MMP16: variants seen among roughly 807,000 people sequenced by gnomAD.
MMP16 encodes matrix metalloproteinase-16.
In MMP16, 12 loss-of-function variants were observed where a neutral mutation model predicts 67.8. The observed-to-expected ratio is 0.18, with a 90% CI of 0.11 to 0.29. MMP16 has a LOEUF of 0.29. Ranked by LOEUF, MMP16 falls within the 10% of genes least tolerant of loss-of-function variation. The pLI, the probability that MMP16 is intolerant of heterozygous loss-of-function variation, is 1.00. For missense variants in MMP16, 475 were observed against 765.7 expected (o/e 0.62, Z 4.48); for synonymous variants, 249 against 255.9 (o/e 0.97, Z 0.26).
chr8:88,114,259 T>C (rs73694246), intron 6 of MMP16, among the ~76,000 whole-genome samples: 31,856 of 151,526 alleles, frequency 0.21, 3,763 homozygotes, highest in South Asian at 0.33. Flanking sequence ...CACTTTATAC[T>C]AGATAGTAAC....
chr8:88,055,560 C>G (rs1004422648), intron 8 of MMP16, among the ~76,000 whole-genome samples: 4 of 151,818 alleles, frequency 2.6e-5, no homozygotes, highest in African/African-American at 9.7e-5. Flanking sequence ...ACACTGTTAG[C>G]AATATCACAA....
At chr8:88,302,548 T>C (rs1248098934) in intron 1 of MMP16, among the ~76,000 whole-genome samples, 1 of 152,082 alleles carries the variant, frequency 6.6e-6, no homozygotes, top group Non-Finnish European at 1.5e-5. Flanking sequence ...AATCACACTT[T>C]AATCCTAATT....
chr8:88,291,766 T>C (rs548394241), intron 1 of MMP16, among the ~76,000 whole-genome samples: 23 of 152,334 alleles, frequency 1.5e-4, no homozygotes, highest in African/African-American at 5.5e-4. Flanking sequence ...AGTTAATATT[T>C]AGGGTAAATC....
chr8:88,217,508 G>A (rs970434725), intron 1 of MMP16, among the ~76,000 whole-genome samples: 5 of 152,030 alleles, frequency 3.3e-5, no homozygotes, highest in African/African-American at 1.2e-4. Context: ...GTTCAATACA[G>A]TTTTCTTCCT....
At chr8:88,147,040 T>G (rs993012940) in intron 4 of MMP16, among the ~76,000 whole-genome samples, 6 of 151,992 alleles carry the variant, frequency 3.9e-5, no homozygotes, top group Middle Eastern at 3.2e-3. Context: ...TTACAACAAC[T>G]TTACTTTGTA....
intron 1 of MMP16, among the ~76,000 whole-genome samples, chr8:88,198,997 G>A (rs765220400): frequency 4.6e-5 from 7 of 151,982 alleles, no homozygotes; most frequent in South Asian, 4.1e-4. Context: ...TATTGTTAAC[G>A]TAATGTCTCA....
intron 4 of MMP16, among the ~76,000 whole-genome samples, chr8:88,155,625 G>C (rs1442082178): frequency 6.6e-6 from 1 of 152,016 alleles, no homozygotes; most frequent in Non-Finnish European, 1.5e-5. Flanking sequence ...TTATTTACCA[G>C]ATCTTCAATA....
rs558727729 is a variant in MMP16, at chr8:88,142,379, A to T, written c.710-23518T>A. ...ATATATTAGTCATTAGACATATTTT[A>T]AAATTATGAACAATACACAACAATT... On this transcript the variant is annotated intron_variant, in intron 4 of 9. Transcript: ENST00000286614. 2.8e-3 allele frequency among the ~76,000 whole-genome samples: 422 copies of T among 152,292 alleles called. 3 individuals carry two copies. Among genetic ancestry groups the T allele is most frequent in the African/African-American group, 9.9e-3 (411 of 41,562 alleles).
intron 1 of MMP16, among the ~76,000 whole-genome samples, chr8:88,237,685 A>AC (rs1809966973): frequency 6.6e-6 from 1 of 151,192 alleles, no homozygotes; most frequent in African/African-American, 2.4e-5. Context: ...CAACAACAAA[A>AC]AACAACTGCA....
At chr8:88,050,418 T>C (rs757899618) in intron 8 of MMP16, among the ~76,000 whole-genome samples, 1 of 152,216 alleles carries the variant, frequency 6.6e-6, no homozygotes, top group Non-Finnish European at 1.5e-5. Context: ...AATACATACC[T>C]AGCAACCAGA....
At chr8:88,239,020 A>G (rs1021871324) in intron 1 of MMP16, among the ~76,000 whole-genome samples, 2 of 152,060 alleles carry the variant, frequency 1.3e-5, no homozygotes, top group African/African-American at 2.4e-5. Flanking sequence ...AAAATATAAA[A>G]TCCTCCTTCC....
intron 7 of MMP16, among the ~76,000 whole-genome samples, chr8:88,067,339 C>T (rs1264752122): frequency 6.6e-6 from 1 of 152,018 alleles, no homozygotes; most frequent in Non-Finnish European, 1.5e-5. Flanking sequence ...TCAAATTGTA[C>T]TACCTATGTC....
At chr8:88,129,345 C>T (rs1807989064) in intron 4 of MMP16, among the ~76,000 whole-genome samples, 1 of 151,646 alleles carries the variant, frequency 6.6e-6, no homozygotes, top group South Asian at 2.1e-4. Flanking sequence ...AAACAATTTC[C>T]TGTTTTTAGA....
At chr8:88,225,488 T>A (rs1809754756) in intron 1 of MMP16, among the ~76,000 whole-genome samples, 1 of 151,922 alleles carries the variant, frequency 6.6e-6, no homozygotes, top group Non-Finnish European at 1.5e-5. Flanking sequence ...TGTAACAATA[T>A]CCAAAAACAA....
chr8:88,323,494 C>T (rs750558427), intron 1 of MMP16, among the ~76,000 whole-genome samples: 2 of 152,088 alleles, frequency 1.3e-5, no homozygotes, highest in Non-Finnish European at 2.9e-5. Flanking sequence ...TAATCAGGAA[C>T]AACAAAATCA....
chr8:88,228,270 T>C (rs960774854), intron 1 of MMP16, among the ~76,000 whole-genome samples: 4 of 152,088 alleles, frequency 2.6e-5, no homozygotes, highest in Non-Finnish European at 5.9e-5. Flanking sequence ...AGGAGATTAT[T>C]ATAAGAAAAT....
chr8:88,162,804 A>C (rs1457877962), intron 4 of MMP16, among the ~76,000 whole-genome samples: 1 of 151,886 alleles, frequency 6.6e-6, no homozygotes, highest in Non-Finnish European at 1.5e-5. Context: ...CCATGTGTAG[A>C]TGTGCTTGCT....
rs28904582 is a variant in MMP16 at position 88,259,691 on chromosome 8, T to C, written c.133-62385A>G. On this transcript the variant is annotated intron_variant, in intron 1 of 9. Transcript: ENST00000286614. ...CCAACCATTAGGACTATAACTATGTTAACAACGGAACACTGATTCCATTAA... is the reference window on the plus strand; with the variant it reads ...CCAACCATTAGGACTATAACTATGTCAACAACGGAACACTGATTCCATTAA... 7.7e-3 allele frequency among the ~76,000 whole-genome samples: 1,168 copies of C among 152,246 alleles called. 18 individuals carry two copies. The highest frequency in any genetic ancestry group is 0.026 in the African/African-American group (1,085 of 41,534).
At position 88,261,610 on chromosome 8, in the gene MMP16, A is replaced by G. The variant is rs114653032; in HGVS notation, c.133-64304T>C. Among the ~76,000 whole-genome samples the G allele has an allele frequency of 6.3e-3, 957 of 152,216 alleles. 6 individuals carry two copies. The highest frequency in any genetic ancestry group is 0.022 in the African/African-American group (909 of 41,524). On this transcript the variant is annotated intron_variant, in intron 1 of 9. Coordinates refer to ENST00000286614, the MANE Select transcript of MMP16 (RefSeq NM_005941.5). ...TCAGACTCTATAAACCACTGGGCAA[A>G]AAAAGATACCAGGAAATGGAGACTG... is the stretch of plus-strand genomic sequence containing the variant.
Sources: allele counts gnomAD v4.1 joint callset (sites outside exome capture counted in the v4.1 genomes callset), GRCh38; gene constraint gnomAD v4.1.1; transcripts MANE v1.5; gene names NCBI Gene and HGNC (gene_info 2026-07-23, HGNC 2026-07-21).